The following PARVG variants were observed in gnomAD, a reference collection of about 807,000 sequenced individuals.
PARVG encodes parvin gamma, also known as gamma-parvin.
PARVG carries 36 observed loss-of-function variants against 44.4 expected under a neutral mutation model. That is an observed-to-expected ratio of 0.81 (90% CI 0.62 to 1.07). The LOEUF (loss-of-function observed/expected upper bound fraction) is 1.07. Ranked by LOEUF, PARVG falls within the 50% of genes least tolerant of loss-of-function variation. The pLI, the probability that PARVG is intolerant of heterozygous loss-of-function variation, is 0.00. For missense variants in PARVG, 407 were observed against 407.4 expected, an observed-to-expected ratio of 1.00 and a Z score of 0.01; for synonymous variants, 170 against 174.1, an observed-to-expected ratio of 0.98 and a Z score of 0.19.
At chr22:44,179,861 C>T (rs1452187427), upstream of PARVG, among the ~76,000 whole-genome samples, 1 of 152,138 alleles carries the variant, frequency 6.6e-6, no homozygotes, top group Non-Finnish European at 1.5e-5. The surrounding 1 kb of genome is among the most constrained non-coding windows in gnomAD (Gnocchi z 4.2). Flanking sequence ...AGGCTGGAGG[C>T]AGCGCCTCCA....
At position 44,182,232 on chromosome 22, in the gene PARVG, A is replaced by G. The variant is rs1298187052; in HGVS notation, c.-13+315A>G. 6.6e-6 allele frequency among the ~76,000 whole-genome samples: 1 copy of G among 152,172 alleles called. No individual in the cohort carries two copies. The highest frequency in any genetic ancestry group is 2.4e-5 in the African/African-American group (1 of 41,444). On this transcript the variant is annotated intron_variant, in intron 2 of 13. Transcript: ENST00000444313. This position sits in a 1 kb window ranked among gnomAD's most constrained non-coding sequence, Gnocchi z 4.6. ...GCCCAGGCTGCTGATCCCTTTGGGC[A>G]GCATCGAGTCCAGGCCCTCCTTGTA...
At chr22:44,185,786 G>T in intron 3 of PARVG, 22 bp from the exon 4 acceptor site, 1 of 1,609,336 alleles carries the variant, frequency 6.2e-7, no homozygotes, top group Non-Finnish European at 8.5e-7. Context: ...CCATGCGCTT[G>T]TCATACCCAC....
chr22:44,203,540 A>G (rs2054737733), intron 12 of PARVG, among the ~76,000 whole-genome samples: 1 of 152,214 alleles, frequency 6.6e-6, no homozygotes, highest in Admixed American at 6.5e-5. Context: ...GAATGTATCA[A>G]AGGCGGAGCT....
In PARVG at chr22:44,189,116, AG is replaced by A. The variant is rs1162766741; in HGVS notation, c.252del (p.Arg84SerfsTer14). On this transcript the variant is annotated frameshift_variant, in exon 6 of 14. Transcript: ENST00000444313. LOFTEE classifies it high-confidence loss of function. ...DGLILHHLFQ[R>X]LAALKLEAED... ...TCACCACCCTCTCCTGCCTCCAGAG[AG>A]GCTGGCGGCGCTCAAGCTGGAAGCA... The A allele has an allele frequency of 1.2e-6, 2 of 1,613,482 alleles. No homozygotes were observed. The highest frequency in any genetic ancestry group is 1.7e-6 in the Non-Finnish European group (2 of 1,179,964).
At chr22:44,201,877 CTGGCAA>C (rs1226651591) in intron 12 of PARVG, among the ~76,000 whole-genome samples, 1 of 152,222 alleles carries the variant, frequency 6.6e-6, no homozygotes, top group Non-Finnish European at 1.5e-5. Flanking sequence ...CGCTTTCCTC[CTGGCAA>C]TGGCAGACAC....
Position 44,198,720 on chromosome 22 carries a change from ATGGTAAGTTTTCC to A in PARVG, c.812_813+11del. On this transcript the variant is annotated splice_donor_variant and splice_donor_5th_base_variant and coding_sequence_variant and intron_variant, in exon 12 of 14. Coordinates refer to ENST00000444313, the MANE Select transcript of PARVG (RefSeq NM_022141.7). LOFTEE classifies it high-confidence loss of function. ...CCTCACTCCCAACTCTCCTGCAGAAATGGTAAGTTTTCCAAGGATTTTTCTTTATGGTCTACCT... is the reference window on the plus strand; with the variant it reads ...CCTCACTCCCAACTCTCCTGCAGAAAAAGGATTTTTCTTTATGGTCTACCT... The A allele has an allele frequency of 6.2e-7, 1 of 1,606,452 alleles. No homozygotes were observed.
At chr22:44,181,562 A>T (rs1269338142) in intron 1 of PARVG, 180 bp from the exon 2 acceptor site, 1 of 579,284 alleles carries the variant, frequency 1.7e-6, no homozygotes, top group Non-Finnish European at 2.2e-6. Flanking sequence ...CTGCGGGGAA[A>T]CTGGCATGGT....
At chr22:44,172,980 T>C (rs1225943456) in exon 1 of PARVG, 3 of 1,289,290 alleles carry the variant, frequency 2.3e-6, no homozygotes, top group Non-Finnish European at 3.0e-6. Context: ...TGTTTTAATC[T>C]TTCATGCATT....
intron 12 of PARVG, among the ~76,000 whole-genome samples, chr22:44,205,261 C>G (rs1433919268): frequency 6.6e-6 from 1 of 152,244 alleles, no homozygotes; most frequent in Non-Finnish European, 1.5e-5. Flanking sequence ...CAGTGAGCCC[C>G]TTGGCTCCTC....
chr22:44,181,687 A>C, intron 1 of PARVG, 55 bp from the exon 2 acceptor site: 1 of 982,920 alleles, frequency 1.0e-6, no homozygotes, highest in Non-Finnish European at 1.2e-6. Context: ...AGCTTTCTGG[A>C]GGTTTGTGGC....
chr22:44,203,327 G>C (rs1241384673), intron 12 of PARVG, among the ~76,000 whole-genome samples: 1 of 152,152 alleles, frequency 6.6e-6, no homozygotes, highest in Admixed American at 6.5e-5. Context: ...TGACAAATGG[G>C]TTCTATGAAT....
At chr22:44,203,308 G>C (rs1055053348) in intron 12 of PARVG, among the ~76,000 whole-genome samples, 3 of 152,182 alleles carry the variant, frequency 2.0e-5, no homozygotes, top group African/African-American at 7.2e-5. Flanking sequence ...GGTCCCAGGA[G>C]GTGTTCTGTG....
chr22:44,187,850 C>T lies in PARVG; in HGVS notation c.219C>T (p.Phe73=), dbSNP rs745544487. The change falls in exon 5 of 14, where the codon TTC becomes TTT. Residue 73 remains phenylalanine, a synonymous_variant. Transcript: ENST00000444313. ...IVVRSLEEDM[F]DGLILHHLFQ... ...TCCGCAGCCTGGAGGAGGACATGTT[C>T]GACGGGCTCATCCTACACCACCTAT... 35 of 1,614,116 alleles carry T rather than the reference C, an allele frequency of 2.2e-5. No individual in the cohort carries two copies. The highest frequency in any genetic ancestry group is 4.4e-5 in the South Asian group (4 of 91,094).
At chr22:44,195,619 C>T (rs1383072471) in intron 9 of PARVG, among the ~76,000 whole-genome samples, 3 of 152,208 alleles carry the variant, frequency 2.0e-5, no homozygotes, top group Non-Finnish European at 4.4e-5. Context: ...TTGCAGGCAG[C>T]AGGTTCAGAC....
At chr22:44,186,439 A>C (rs2054471570) in intron 4 of PARVG, 2 of 410,594 alleles carry the variant, frequency 4.9e-6, no homozygotes, top group Non-Finnish European at 1.0e-5. Flanking sequence ...TCCAGTCTCC[A>C]CATGGCCTCT....
Position 44,198,604 on chromosome 22 carries a change from A to T in PARVG, c.712-17A>T, listed in dbSNP as rs765913976. The T allele has an allele frequency of 6.3e-7, 1 of 1,587,968 alleles. No homozygotes were observed. Among genetic ancestry groups the T allele is most frequent in the Non-Finnish European group, 8.6e-7 (1 of 1,156,352 alleles). On this transcript the variant is annotated splice_polypyrimidine_tract_variant and intron_variant, in intron 11 of 13. Transcript: ENST00000444313. The stretch of plus-strand genomic sequence containing the variant: ...AGGCTTCTTCCATGTGATTGTCTCC[A>T]GTTCCTTCCTTTGTAGTTTGCAGAT...
intron 5 of PARVG, chr22:44,188,728 A>G (rs2054508521): frequency 4.8e-6 from 1 of 209,164 alleles, no homozygotes; most frequent in Non-Finnish European, 9.9e-6. Flanking sequence ...TCAGGATAGA[A>G]GCCTAGGAGT....
At chr22:44,183,244 C>T (rs1218149402) in intron 2 of PARVG, 74 bp from the exon 3 acceptor site, 16 of 1,386,326 alleles carry the variant, frequency 1.2e-5, no homozygotes, top group Non-Finnish European at 1.5e-5. Context: ...GCCTCCAGGT[C>T]TAGAGAAAAT....
chr22:44,183,260 GC>G, intron 2 of PARVG, 57 bp from the exon 3 acceptor site: 1 of 1,477,632 alleles, frequency 6.8e-7, no homozygotes, highest in Non-Finnish European at 9.1e-7. Flanking sequence ...AAAATGAGGG[GC>G]TCAGTGAGTT....
Sources: allele counts gnomAD v4.1 joint callset (sites outside exome capture counted in the v4.1 genomes callset), GRCh38; gene constraint gnomAD v4.1.1; non-coding constraint Gnocchi (gnomAD v3.1); transcripts MANE v1.5; gene names NCBI Gene and HGNC (gene_info 2026-07-23, HGNC 2026-07-21).